The following BCAR3 variants were observed in gnomAD, a reference collection of about 807,000 sequenced individuals.
The protein encoded by BCAR3 is BCAR3 adaptor protein, NSP family member.
In BCAR3, 37 loss-of-function variants were observed where a neutral mutation model predicts 80.1. That is an observed-to-expected ratio of 0.46 (90% CI 0.36 to 0.61). The LOEUF (loss-of-function observed/expected upper bound fraction) is 0.61, where lower values mean the gene tolerates loss of function less well. Ranked by LOEUF, BCAR3 falls within the 20% of genes least tolerant of loss-of-function variation. BCAR3 has a pLI of 0.00. For synonymous variants in BCAR3, 389 were observed against 418.9 expected, an observed-to-expected ratio of 0.93 and a Z score of 0.87; for missense variants, 978 against 1,068.2, an observed-to-expected ratio of 0.92 and a Z score of 1.18.
At chr1:93,806,736 T>C (rs1653665906) in intron 2 of BCAR3, among the ~76,000 whole-genome samples, 1 of 152,216 alleles carries the variant, frequency 6.6e-6, no homozygotes, top group Non-Finnish European at 1.5e-5. Flanking sequence ...TTCTTAGGTC[T>C]TTCAATTTTC....
At chr1:93,820,912 T>G (rs1571150494) in intron 2 of BCAR3, among the ~76,000 whole-genome samples, 1 of 144,970 alleles carries the variant, frequency 6.9e-6, no homozygotes, top group Admixed American at 6.9e-5. Context: ...CATTACAAAT[T>G]ACATCTTATC....
chr1:93,609,813 CGAA>C (rs1447440048), intron 3 of BCAR3, among the ~76,000 whole-genome samples: 3 of 152,196 alleles, frequency 2.0e-5, no homozygotes, highest in African/African-American at 7.2e-5. Flanking sequence ...CCTCTCTCCA[CGAA>C]GAAGGCCAAT....
At chr1:93,665,397 CAAAA>C (rs775678637) in intron 2 of BCAR3, among the ~76,000 whole-genome samples, 1 of 144,718 alleles carries the variant, frequency 6.9e-6, no homozygotes, top group Non-Finnish European at 1.5e-5. Flanking sequence ...ATTCTATCAT[CAAAA>C]AAAAAAAAAT....
At chr1:93,665,565 G>C (rs1280676672) in intron 2 of BCAR3, among the ~76,000 whole-genome samples, 2 of 152,000 alleles carry the variant, frequency 1.3e-5, no homozygotes, top group African/African-American at 2.4e-5. Context: ...TCTTTACATA[G>C]AGCTCTAGAT....
intron 3 of BCAR3, among the ~76,000 whole-genome samples, chr1:93,691,861 C>G (rs181784272): frequency 6.6e-6 from 1 of 152,164 alleles, no homozygotes; most frequent in Admixed American, 6.5e-5. Context: ...TTCACTCCCA[C>G]GTGAGTGGCA....
At chr1:93,631,621 A>G (rs1215069615) in intron 3 of BCAR3, among the ~76,000 whole-genome samples, 2 of 152,338 alleles carry the variant, frequency 1.3e-5, no homozygotes, top group East Asian at 3.9e-4. Context: ...CACAGTTTCA[A>G]TTCTTGCCTG....
chr1:93,756,836 A>G (rs1296357475), intron 2 of BCAR3, among the ~76,000 whole-genome samples: 1 of 152,206 alleles, frequency 6.6e-6, no homozygotes, highest in Non-Finnish European at 1.5e-5. Context: ...CATGGCTTTG[A>G]TGACTAGTCC....
intron 2 of BCAR3, among the ~76,000 whole-genome samples, chr1:93,659,875 T>C (rs1647567857): frequency 6.6e-6 from 1 of 152,004 alleles, no homozygotes; most frequent in African/African-American, 2.4e-5. Context: ...TCCTCAGTGC[T>C]CCTTTCCTAT....
At chr1:93,614,826 A>G (rs1675057987) in intron 3 of BCAR3, among the ~76,000 whole-genome samples, 1 of 151,982 alleles carries the variant, frequency 6.6e-6, no homozygotes, top group South Asian at 2.1e-4. Flanking sequence ...CACTCTGATT[A>G]CCCACTTTGC....
chr1:93,709,174 G>C (rs903965320), intron 2 of BCAR3, among the ~76,000 whole-genome samples: 3 of 152,136 alleles, frequency 2.0e-5, no homozygotes, highest in Non-Finnish European at 4.4e-5. Flanking sequence ...AGAAGAACGA[G>C]GGGGAGTCCA....
At chr1:93,835,688 T>C (rs1413450470) in intron 2 of BCAR3, among the ~76,000 whole-genome samples, 2 of 152,142 alleles carry the variant, frequency 1.3e-5, no homozygotes, top group Non-Finnish European at 2.9e-5. Context: ...ATTTTACTAC[T>C]CCTCAGGGAT....
chr1:93,780,842 T>C (rs1228291612), intron 2 of BCAR3, among the ~76,000 whole-genome samples: 1 of 152,226 alleles, frequency 6.6e-6, no homozygotes, highest in Non-Finnish European at 1.5e-5. Flanking sequence ...TAACATCCTT[T>C]GCATTTACAA....
intron 3 of BCAR3, among the ~76,000 whole-genome samples, chr1:93,614,405 G>A (rs1675041590): frequency 6.6e-6 from 1 of 152,052 alleles, no homozygotes; most frequent in Non-Finnish European, 1.5e-5. Flanking sequence ...GTTTAAGGAA[G>A]CAGGGTAAGT....
chr1:93,788,284 G>A (rs1475646002), intron 2 of BCAR3, among the ~76,000 whole-genome samples: 1 of 152,098 alleles, frequency 6.6e-6, no homozygotes, highest in Non-Finnish European at 1.5e-5. Flanking sequence ...CTTTTAAGTG[G>A]AGCTTTTAGA....
At chr1:93,632,012 C>G (rs569748331) in intron 3 of BCAR3, among the ~76,000 whole-genome samples, 1 of 152,262 alleles carries the variant, frequency 6.6e-6, no homozygotes, top group South Asian at 2.1e-4. Flanking sequence ...CCATGCTGCC[C>G]CCACACACCT....
intron 3 of BCAR3, among the ~76,000 whole-genome samples, chr1:93,610,333 A>G (rs1424805228): frequency 6.6e-6 from 1 of 152,176 alleles, no homozygotes; most frequent in Non-Finnish European, 1.5e-5. Flanking sequence ...ACTCCTGCAA[A>G]TGCCAGTGGC....
intron 3 of BCAR3, among the ~76,000 whole-genome samples, chr1:93,702,671 G>A (rs1334913871): frequency 6.6e-6 from 1 of 152,220 alleles, no homozygotes; most frequent in Non-Finnish European, 1.5e-5. Flanking sequence ...CAGGAGGTCA[G>A]ATAACAGCCC....
chr1:93,689,130 T>C (rs543751106), intron 3 of BCAR3, among the ~76,000 whole-genome samples: 1 of 151,078 alleles, frequency 6.6e-6, no homozygotes, highest in African/African-American at 2.4e-5. Flanking sequence ...GGATCTGGAG[T>C]GAGAGAAGGA....
At chr1:93,706,972 C>T (rs1171440421) in intron 2 of BCAR3, among the ~76,000 whole-genome samples, 6 of 152,162 alleles carry the variant, frequency 3.9e-5, no homozygotes, top group Admixed American at 1.3e-4. Flanking sequence ...GTCAGGAGTT[C>T]GAGACCAGCC....
Sources: allele counts gnomAD v4.1 joint callset (sites outside exome capture counted in the v4.1 genomes callset), GRCh38; gene constraint gnomAD v4.1.1; transcripts MANE v1.5; gene names NCBI Gene and HGNC (gene_info 2026-07-23, HGNC 2026-07-21).